RTN4IP1: variants seen among roughly 807,000 people sequenced by gnomAD.
The protein encoded by RTN4IP1 is NAD(P)H oxidoreductase RTN4IP1, mitochondrial.
Under a neutral mutation model 46.6 loss-of-function variants are expected in RTN4IP1, and 32 were observed. The observed-to-expected ratio is 0.69, with a 90% CI of 0.52 to 0.92. The LOEUF (loss-of-function observed/expected upper bound fraction) is 0.92, where lower values mean the gene tolerates loss of function less well. Ranked by LOEUF, RTN4IP1 falls within the 40% of genes least tolerant of loss-of-function variation. The probability of loss-of-function intolerance (pLI) is 0.00; values close to 1 mark genes in which losing one functional copy is unlikely to be tolerated. For missense variants in RTN4IP1, 424 were observed against 485.8 expected (o/e 0.87, Z 1.20); for synonymous variants, 167 against 161.8 (o/e 1.03, Z -0.24).
rs1255915161 is a variant in RTN4IP1 at position 106,622,963 on chromosome 6, T to A, written c.281A>T (p.Tyr94Phe). ...NPIDVNMRSG[Y>F]GATALNMKRD... ...CTTCATATTTAAAGCTGTAGCTCCATAACCACCTGTAAAATACAATTTATC... is the reference window on the plus strand; with the variant it reads ...CTTCATATTTAAAGCTGTAGCTCCAAAACCACCTGTAAAATACAATTTATC... Residue 94 changes from tyrosine (Y) to phenylalanine (F), a missense_variant, in exon 2 of 9, where the codon TAT becomes TTT. Transcript: ENST00000369063. 1 of 1,613,846 alleles carries A rather than the reference T, an allele frequency of 6.2e-7. No homozygotes were observed. The highest frequency in any genetic ancestry group is 8.5e-7 in the Non-Finnish European group (1 of 1,179,846).
At chr6:106,627,952 C>CAA (rs1206524000) in intron 1 of RTN4IP1, among the ~76,000 whole-genome samples, 2 of 145,244 alleles carry the variant, frequency 1.4e-5, no homozygotes. Flanking sequence ...TCTGTAGTCC[C>CAA]AGCTACTTGG....
intron 5 of RTN4IP1, among the ~76,000 whole-genome samples, chr6:106,602,176 G>A (rs1775964394): frequency 6.6e-6 from 1 of 152,128 alleles, no homozygotes; most frequent in Non-Finnish European, 1.5e-5. Flanking sequence ...ATCAGCAAGT[G>A]TGAGTCCTCC....
chr6:106,605,340 C>T (rs578107543), intron 4 of RTN4IP1, among the ~76,000 whole-genome samples: 64 of 151,318 alleles, frequency 4.2e-4, no homozygotes, highest in Non-Finnish European at 8.1e-4. Flanking sequence ...GCATGAGAAT[C>T]GTTTGAACCC....
chr6:106,621,156 A>G (rs1776477152), intron 3 of RTN4IP1, among the ~76,000 whole-genome samples: 1 of 150,754 alleles, frequency 6.6e-6, no homozygotes, highest in South Asian at 2.1e-4. Context: ...TCAACTATTT[A>G]TCTAGGGTAA....
In RTN4IP1 at chr6:106,592,289, T is replaced by C. The variant is rs1204691050; in HGVS notation, c.681A>G (p.Ala227=). Residue 227 remains alanine (A), a synonymous_variant, in exon 6 of 9, where the codon GCA becomes GCG. Transcript: ENST00000369063. ...AAACTGCTGTCACATGAGCATCCCA[T>C]GCTTTCATTACCTGCCCCCCACCAA... is the stretch of plus-strand genomic sequence containing the variant. ...VGTFAIQVMK[A]WDAHVTAVCS... 1 of 1,613,632 alleles carries C rather than the reference T, an allele frequency of 6.2e-7. No homozygotes were observed.
intron 4 of RTN4IP1, among the ~76,000 whole-genome samples, chr6:106,610,003 C>T (rs981283000): frequency 9.2e-5 from 14 of 152,184 alleles, no homozygotes; most frequent in African/African-American, 2.9e-4. Context: ...GTAAACTCCA[C>T]ATTTTGTGCA....
intron 4 of RTN4IP1, among the ~76,000 whole-genome samples, chr6:106,605,536 G>A (rs1001565907): frequency 2.0e-5 from 3 of 150,122 alleles, no homozygotes; most frequent in Non-Finnish European, 3.0e-5. Context: ...CAAAGATGCT[G>A]GGTGCAGTGG....
chr6:106,575,058 AGTGT>A (rs1775190760), intron 8 of RTN4IP1, among the ~76,000 whole-genome samples: 1 of 151,662 alleles, frequency 6.6e-6, no homozygotes, highest in African/African-American at 2.4e-5. Context: ...ATAATGAGAC[AGTGT>A]CTATGTACAG....
chr6:106,619,202 C>G lies in RTN4IP1; in HGVS notation c.620G>C (p.Arg207Pro). The stretch of plus-strand genomic sequence containing the variant: ...TGCTGCCACTGACTGATACACTTAC[C>G]GTTTTCCTGTGCAATTCTTGTCATT... Reference protein sequence around the residue: ...GLNDKNCTGKRVLILGASGGV... With the variant: ...GLNDKNCTGKPVLILGASGGV... The change falls in exon 4 of 9, where the codon CGT becomes CCT. Residue 207 changes from arginine (R) to proline (P), a missense_variant and splice_region_variant. Transcript: ENST00000369063. 3 of 1,614,038 alleles carry G rather than the reference C, an allele frequency of 1.9e-6. No homozygotes were observed. The highest frequency in any genetic ancestry group is 2.5e-6 in the Non-Finnish European group (3 of 1,179,938).
chr6:106,594,159 T>C (rs1775727407), intron 5 of RTN4IP1, among the ~76,000 whole-genome samples: 1 of 152,208 alleles, frequency 6.6e-6, no homozygotes, highest in African/African-American at 2.4e-5. Context: ...GAAAATGTTT[T>C]AAAAACAGTT....
chr6:106,619,228 C>A lies in RTN4IP1; in HGVS notation c.594G>T (p.Leu198=), dbSNP rs1460681768. ...AWSAINKVGG[L]NDKNCTGKRV... ...GTTTTCCTGTGCAATTCTTGTCATT[C>A]AGGCCACCAACTTTGTTTATAGCAG... The change falls in exon 4 of 9, where the codon CTG becomes CTT. Residue 198 remains leucine, a synonymous_variant. Transcript: ENST00000369063. 14 of 1,614,072 alleles carry A rather than the reference C, an allele frequency of 8.7e-6. No homozygotes were observed. The highest frequency in any genetic ancestry group is 1.2e-5 in the Non-Finnish European group (14 of 1,180,034).
At chr6:106,585,834 C>G (rs1439087133) in intron 7 of RTN4IP1, among the ~76,000 whole-genome samples, 1 of 152,204 alleles carries the variant, frequency 6.6e-6, no homozygotes, top group Non-Finnish European at 1.5e-5. Flanking sequence ...CCGAGGACAA[C>G]TCTGAAGGTT....
In RTN4IP1 at chr6:106,629,427, C is replaced by G. The variant is rs774254711; in HGVS notation, c.-406G>C. 6.8e-6 allele frequency: 4 copies of G among 587,952 alleles called. No homozygotes were observed. The highest frequency in any genetic ancestry group is 4.3e-5 in the South Asian group (2 of 46,912). 36.4% of individuals were successfully genotyped at this position (587,952 alleles called of 1,614,324 possible). On this transcript the variant is annotated 5_prime_UTR_variant, in exon 1 of 9. Coordinates refer to ENST00000369063, the MANE Select transcript of RTN4IP1 (RefSeq NM_032730.5). ...CAACGCCAGAGAATCGAACGCTTGC[C>G]GACTGCCGCCGCGACCCTGGCCCGG... is the stretch of plus-strand genomic sequence containing the variant.
At chr6:106,589,121 G>A (rs938963629) in intron 6 of RTN4IP1, among the ~76,000 whole-genome samples, 8 of 122,436 alleles carry the variant, frequency 6.5e-5, no homozygotes, top group African/African-American at 2.5e-4. Flanking sequence ...AGAAGAGGAA[G>A]AAGAGGAAGA....
chr6:106,603,892 A>G (rs181315003), intron 4 of RTN4IP1, among the ~76,000 whole-genome samples: 637 of 152,326 alleles, frequency 4.2e-3, no homozygotes, highest in Middle Eastern at 0.024. Flanking sequence ...GACATTATAA[A>G]AAGTGATTGT....
chr6:106,622,271 T>C (rs1776502536), intron 2 of RTN4IP1, among the ~76,000 whole-genome samples: 1 of 152,162 alleles, frequency 6.6e-6, no homozygotes, highest in South Asian at 2.1e-4. Flanking sequence ...AATTTGCACA[T>C]TTAGTAAAGG....
chr6:106,620,355 G>A (rs1464812113), intron 3 of RTN4IP1, among the ~76,000 whole-genome samples: 12 of 152,030 alleles, frequency 7.9e-5, no homozygotes, highest in Non-Finnish European at 5.9e-5. Flanking sequence ...CACGCACCTC[G>A]GCCTCCCAAA....
At chr6:106,594,320 C>A (rs1055199545) in intron 5 of RTN4IP1, among the ~76,000 whole-genome samples, 1 of 152,040 alleles carries the variant, frequency 6.6e-6, no homozygotes, top group Non-Finnish European at 1.5e-5. Context: ...CCTGCCTAGG[C>A]AACGTAGTGA....
In RTN4IP1 at chr6:106,588,654, A is replaced by G. The variant is rs368863567; in HGVS notation, c.807-792T>C. On this transcript the variant is annotated intron_variant, in intron 6 of 8. Transcript: ENST00000369063. The stretch of plus-strand genomic sequence containing the variant: ...CTTTGAAATAATTTTGAAAACAAAG[A>G]TCTATATAGAGAATACATGCAAATA... Among the ~76,000 whole-genome samples the G allele has an allele frequency of 5.4e-4, 83 of 152,362 alleles. 1 individual carries two copies. The highest frequency in any genetic ancestry group is 1.9e-3 in the African/African-American group (77 of 41,586).
Sources: allele counts gnomAD v4.1 joint callset (sites outside exome capture counted in the v4.1 genomes callset), GRCh38; gene constraint gnomAD v4.1.1; transcripts MANE v1.5; gene names NCBI Gene and HGNC (gene_info 2026-07-23, HGNC 2026-07-21).